The following AGK variants were observed in gnomAD, a reference collection of about 807,000 sequenced individuals.
The protein encoded by AGK is acylglycerol kinase, also known as acylglycerol kinase, mitochondrial.
AGK carries 52 observed loss-of-function variants against 66.4 expected under a neutral mutation model. The observed-to-expected ratio is 0.78, with a 90% CI of 0.63 to 0.99. AGK has a LOEUF of 0.99. Ranked by LOEUF, AGK falls within the 50% of genes least tolerant of loss-of-function variation. AGK has a pLI of 0.00. For missense variants in AGK, 451 were observed against 506.6 expected (o/e 0.89, Z 1.05); for synonymous variants, 182 against 181.1 (o/e 1.00, Z -0.04).
rs73523631 is a variant in AGK, at chr7:141,590,953, A to G, written c.102-2193A>G. 3.8e-3 allele frequency among the ~76,000 whole-genome samples: 584 copies of G among 152,240 alleles called. 4 individuals are homozygous for G. The highest frequency in any genetic ancestry group is 0.013 in the African/African-American group (548 of 41,544). On this transcript the variant is annotated intron_variant, in intron 2 of 15. Coordinates refer to ENST00000649286, the MANE Select transcript of AGK (RefSeq NM_018238.4). ...CAGGGGAGCAGAGTCACTTAAGCCA[A>G]TGGGGACTGGGCTGACTTGTGCTGG...
At chr7:141,632,230 T>TAA (rs796882982) in intron 9 of AGK, among the ~76,000 whole-genome samples, 6 of 127,098 alleles carry the variant, frequency 4.7e-5, no homozygotes, top group African/African-American at 1.2e-4. Context: ...AAACTCCGTC[T>TAA]AAAAAAAAAA....
At chr7:141,585,855 A>G (rs1334459012) in intron 2 of AGK, among the ~76,000 whole-genome samples, 2 of 152,188 alleles carry the variant, frequency 1.3e-5, no homozygotes, top group Non-Finnish European at 2.9e-5. Context: ...TCTGTCAAAG[A>G]ACCTGCATTT....
chr7:141,590,094 G>A (rs911567374), intron 2 of AGK, among the ~76,000 whole-genome samples: 3 of 152,086 alleles, frequency 2.0e-5, no homozygotes, highest in African/African-American at 7.2e-5. Flanking sequence ...CTAATAATCA[G>A]AATTTTACTT....
chr7:141,568,291 G>A (rs576400533), intron 2 of AGK, among the ~76,000 whole-genome samples: 9 of 152,326 alleles, frequency 5.9e-5, no homozygotes, highest in Middle Eastern at 3.4e-3. Flanking sequence ...GCAGCAAGCC[G>A]TGTCGGAAGC....
intron 1 of AGK, among the ~76,000 whole-genome samples, chr7:141,552,328 C>A (rs963060344): frequency 3.3e-5 from 5 of 152,180 alleles, no homozygotes; most frequent in Admixed American, 6.5e-5. Context: ...AAAATAATAG[C>A]CAAAGTCCTT....
In AGK at chr7:141,636,974, G is replaced by T. The variant is rs747003450; in HGVS notation, c.683G>T (p.Gly228Val). The T allele has an allele frequency of 1.2e-6, 2 of 1,611,606 alleles. No individual in the cohort carries two copies. The highest frequency in any genetic ancestry group is 4.5e-5 in the East Asian group (2 of 44,808). ...TCTTTTCACAGGTACTGGTATCTTGGGCCTCTAAAAATCAAAGCAGCCCAC... is the reference window on the plus strand; with the variant it reads ...TCTTTTCACAGGTACTGGTATCTTGTGCCTCTAAAAATCAAAGCAGCCCAC... ...GVKVSKYWYL[G>V]PLKIKAAHFF... The change falls in exon 11 of 16, where the codon GGG (glycine) becomes GTG (valine). Residue 228 changes from glycine to valine, a missense_variant. Coordinates refer to ENST00000649286, the MANE Select transcript of AGK (RefSeq NM_018238.4).
In AGK at chr7:141,610,383, A is replaced by T. The variant is rs551433137; in HGVS notation, c.298-812A>T. ...ATATCAGTTGGAGGGAGTGTTTCCT[A>T]TTTTAATATTAGTTGCATTATGTCT... On this transcript the variant is annotated intron_variant, in intron 5 of 15. Coordinates refer to ENST00000649286, the MANE Select transcript of AGK (RefSeq NM_018238.4). Among the ~76,000 whole-genome samples, 35 of 152,252 alleles carry T rather than the reference A, an allele frequency of 2.3e-4. 1 individual carries two copies. Among genetic ancestry groups the T allele is most frequent in the African/African-American group, 8.2e-4 (34 of 41,542 alleles).
intron 2 of AGK, among the ~76,000 whole-genome samples, chr7:141,563,984 G>A (rs1250214126): frequency 6.6e-6 from 1 of 152,104 alleles, no homozygotes; most frequent in Non-Finnish European, 1.5e-5. Context: ...GTTTAGAGAT[G>A]GGATCTCGCT....
intron 4 of AGK, chr7:141,596,971 G>C: frequency 4.7e-6 from 1 of 213,718 alleles, no homozygotes; most frequent in Non-Finnish European, 9.3e-6. Flanking sequence ...CTGTCCACAG[G>C]ATGTTCAGAA....
Position 141,650,703 on chromosome 7 carries a change from A to T in AGK, c.1047-822A>T, listed in dbSNP as rs1429011185. The T allele has an allele frequency of 3.0e-6, 3 of 984,180 alleles. No homozygotes were observed. The African/African-American group carries it at 5.2e-5, about 17-fold the overall frequency. The allele number at this position is 984,180 out of a possible 1,614,324, so 61.0% of individuals were successfully genotyped here. Reference sequence around the variant, plus strand: ...TGGAAATTTTACTCCATAGTCACTCAGTCAAGGTAGATATTGTATGCCAAG... The same window carrying T: ...TGGAAATTTTACTCCATAGTCACTCTGTCAAGGTAGATATTGTATGCCAAG... On this transcript the variant is annotated intron_variant, in intron 14 of 15. Coordinates refer to ENST00000649286, the MANE Select transcript of AGK (RefSeq NM_018238.4).
chr7:141,623,186 C>T (rs953098040), intron 9 of AGK, among the ~76,000 whole-genome samples: 2 of 151,846 alleles, frequency 1.3e-5, no homozygotes, highest in African/African-American at 4.8e-5. Flanking sequence ...TTGAGACCGG[C>T]CTGACCAACA....
chr7:141,614,171 C>A lies in AGK; in HGVS notation c.416C>A (p.Thr139Lys), dbSNP rs144706178. 3 of 1,537,864 alleles carry A rather than the reference C, an allele frequency of 2.0e-6. 1 individual carries two copies. In the South Asian group the frequency reaches 3.6e-5, roughly 19 times the overall value. ...GTTGTTACTGGTGTTCTTCGACGAA[C>A]AGATGAGGTGAGCATTAAAGAGTAA... is the stretch of plus-strand genomic sequence containing the variant. ...QEVVTGVLRR[T>K]DEATFSKIPI... Residue 139 changes from threonine (T) to lysine (K), a missense_variant, in exon 7 of 16, where the codon ACA becomes AAA. By Grantham distance (78) the Thr-to-Lys change is moderately conservative. Transcript: ENST00000649286.
At chr7:141,579,979 T>C (rs996229941) in intron 2 of AGK, among the ~76,000 whole-genome samples, 1 of 151,912 alleles carries the variant, frequency 6.6e-6, no homozygotes, top group Admixed American at 6.5e-5. Context: ...TCAGCATAAG[T>C]GTTGCCCTAA....
chr7:141,582,132 T>C (rs889835455), intron 2 of AGK, among the ~76,000 whole-genome samples: 3 of 151,664 alleles, frequency 2.0e-5, no homozygotes, highest in Non-Finnish European at 4.4e-5. Context: ...GTCAGAGCCT[T>C]GGGCCGGTTG....
At chr7:141,552,859 A>G (rs1042093856) in intron 1 of AGK, among the ~76,000 whole-genome samples, 1 of 152,148 alleles carries the variant, frequency 6.6e-6, no homozygotes. Context: ...GGCCTTGCTA[A>G]ATTCTCCCCA....
At chr7:141,613,546 G>A (rs1387217139) in intron 6 of AGK, among the ~76,000 whole-genome samples, 1 of 152,168 alleles carries the variant, frequency 6.6e-6, no homozygotes, top group East Asian at 1.9e-4. Flanking sequence ...TTGAACCTGG[G>A]AAGCAGAGGT....
chr7:141,633,368 T>C (rs1371709195), intron 9 of AGK, among the ~76,000 whole-genome samples: 1 of 152,230 alleles, frequency 6.6e-6, no homozygotes, highest in East Asian at 1.9e-4. Flanking sequence ...CTGATTATAA[T>C]ATGCAGTATT....
At chr7:141,585,660 A>G (rs1244244846) in intron 2 of AGK, among the ~76,000 whole-genome samples, 1 of 152,318 alleles carries the variant, frequency 6.6e-6, no homozygotes, top group African/African-American at 2.4e-5. Flanking sequence ...TAAAGTTGCT[A>G]TTGGAATAAC....
At chr7:141,627,788 A>T (rs1422308658) in intron 9 of AGK, among the ~76,000 whole-genome samples, 1 of 152,260 alleles carries the variant, frequency 6.6e-6, no homozygotes, top group Non-Finnish European at 1.5e-5. Context: ...GCATCAGGAT[A>T]CATCTCAATA....
Sources: allele counts gnomAD v4.1 joint callset (sites outside exome capture counted in the v4.1 genomes callset), GRCh38; gene constraint gnomAD v4.1.1; transcripts MANE v1.5; gene names NCBI Gene and HGNC (gene_info 2026-07-23, HGNC 2026-07-21).